Variants in GRIA2 observed in about 807,000 individuals in gnomAD.
The protein encoded by GRIA2 is glutamate receptor 2.
Under a neutral mutation model 97.3 loss-of-function variants are expected in GRIA2, and 14 were observed. The observed-to-expected ratio is 0.14, with a 90% CI of 0.10 to 0.23. The LOEUF (loss-of-function observed/expected upper bound fraction) is 0.23. Ranked by LOEUF, GRIA2 falls within the 10% of genes least tolerant of loss-of-function variation. The pLI is 1.00. For synonymous variants in GRIA2, 412 were observed against 387.8 expected (o/e 1.06, Z -0.73); for missense variants, 558 against 1,069.8 (o/e 0.52, Z 6.67).
rs1457416313 is a variant in GRIA2 at position 157,335,829 on chromosome 4, T to C, written c.1425T>C (p.Asp475=). The C allele has an allele frequency of 6.2e-7, 1 of 1,612,466 alleles. No homozygotes were observed. Among genetic ancestry groups the C allele is most frequent in the Non-Finnish European group, 8.5e-7 (1 of 1,179,102 alleles). ...GTGATGGCAAGTATGGGGCCAGGGA[T>C]GCAGACACGAAAATTTGGAATGGGA... ...IVGDGKYGAR[D]ADTKIWNGMV... is the part of the protein sequence containing the mutation. The change falls in exon 10 of 16, where the codon GAT becomes GAC. Residue 475 remains aspartate, a synonymous_variant. Coordinates refer to ENST00000264426, the MANE Select transcript of GRIA2 (RefSeq NM_001083619.3).
chr4:157,355,926 T>TATATAAATATAA (rs1370504682), intron 12 of GRIA2, among the ~76,000 whole-genome samples: 1 of 55,542 alleles, frequency 1.8e-5, no homozygotes, highest in South Asian at 6.3e-4. Context: ...AATATATTTA[T>TATATAAATATAA]ATATATTTAT....
At chr4:157,250,064 G>A (rs7663577) in intron 2 of GRIA2, among the ~76,000 whole-genome samples, 6 of 152,080 alleles carry the variant, frequency 3.9e-5, no homozygotes, top group Non-Finnish European at 7.4e-5. Context: ...GTGGTTATGC[G>A]TTAATGGGAC....
chr4:157,321,799 G>T (rs537304925), intron 6 of GRIA2, among the ~76,000 whole-genome samples, 200 bp downstream of exon 6: 2 of 152,094 alleles, frequency 1.3e-5, no homozygotes, highest in Non-Finnish European at 2.9e-5. Context: ...TATTACTCTT[G>T]TGTTTTCTAC....
chr4:157,240,411 G>A (rs1362434747), intron 2 of GRIA2, among the ~76,000 whole-genome samples: 1 of 151,934 alleles, frequency 6.6e-6, no homozygotes, highest in African/African-American at 2.4e-5. Context: ...GAAATATCTT[G>A]GAGTTTCTCA....
At chr4:157,223,307 A>G (rs1729591865) in intron 2 of GRIA2, among the ~76,000 whole-genome samples, 1 of 152,174 alleles carries the variant, frequency 6.6e-6, no homozygotes. Context: ...TTTATAATGG[A>G]TCTATTTAAG....
At chr4:157,275,534 T>A (rs1732257142) in intron 2 of GRIA2, among the ~76,000 whole-genome samples, 1 of 152,154 alleles carries the variant, frequency 6.6e-6, no homozygotes, top group Admixed American at 6.6e-5. Context: ...CCATCTTGAA[T>A]TAATTTTTGT....
chr4:157,319,459 A>T (rs1320940844), intron 5 of GRIA2, among the ~76,000 whole-genome samples: 1 of 152,210 alleles, frequency 6.6e-6, no homozygotes, highest in Non-Finnish European at 1.5e-5. Context: ...GCTTCTTGAG[A>T]GAAAATCTAC....
chr4:157,223,226 G>T (rs190326843), intron 2 of GRIA2, among the ~76,000 whole-genome samples: 1 of 152,086 alleles, frequency 6.6e-6, no homozygotes, highest in Admixed American at 6.5e-5. Flanking sequence ...ACTGTCACCC[G>T]GACGAATGAA....
chr4:157,239,488 A>G (rs914772165), intron 2 of GRIA2, among the ~76,000 whole-genome samples: 2 of 151,972 alleles, frequency 1.3e-5, no homozygotes, highest in Non-Finnish European at 2.9e-5. Context: ...GGTTAATTCT[A>G]TATTAATAAC....
At chr4:157,221,911 T>C in intron 2 of GRIA2, 104 bp downstream of exon 2, 2 of 1,063,740 alleles carry the variant, frequency 1.9e-6, no homozygotes, top group Non-Finnish European at 2.9e-6. Flanking sequence ...TTTCTGTGTG[T>C]CAGTGTGTGG....
At position 157,361,409 on chromosome 4, in the gene GRIA2, C is replaced by A; in HGVS notation, c.2406+285C>A. 1.3e-6 allele frequency: 1 copy of A among 751,794 alleles called. No individual in the cohort carries two copies. The highest frequency in any genetic ancestry group is 2.2e-6 in the Non-Finnish European group (1 of 452,350). The allele number at this position is 751,794 out of a possible 1,614,324, so 46.6% of individuals were successfully genotyped here. ...TTAATGCTCATTTGGCTCTGCAAAT[C>A]TTACCGTTTGCTTAGGCCAAATGGC... is the stretch of plus-strand genomic sequence containing the variant. On this transcript the variant is annotated intron_variant, in intron 14 of 15. Transcript: ENST00000264426. This position sits in a 1 kb window ranked among gnomAD's most constrained non-coding sequence, Gnocchi z 5.2.
intron 2 of GRIA2, among the ~76,000 whole-genome samples, chr4:157,296,535 AG>A (rs1733356908): frequency 6.6e-6 from 1 of 152,166 alleles, no homozygotes; most frequent in Non-Finnish European, 1.5e-5. Flanking sequence ...AATTTTTTCC[AG>A]TACATCTCTA....
chr4:157,221,366 T>A, intron 1 of GRIA2: 1 of 564,480 alleles, frequency 1.8e-6, no homozygotes, highest in East Asian at 2.9e-5. Context: ...TTTTATTAAT[T>A]CTGCCTTAGC....
At chr4:157,297,417 A>G (rs1248228741) in intron 2 of GRIA2, among the ~76,000 whole-genome samples, 1 of 152,132 alleles carries the variant, frequency 6.6e-6, no homozygotes, top group African/African-American at 2.4e-5. Context: ...TAATTAGAAC[A>G]TTAAGATGTA....
At chr4:157,250,150 G>T (rs1177790922) in intron 2 of GRIA2, among the ~76,000 whole-genome samples, 5 of 151,988 alleles carry the variant, frequency 3.3e-5, no homozygotes, top group Non-Finnish European at 1.5e-5. Context: ...ACAGCCCCCA[G>T]CTTTAAGTTG....
intron 4 of GRIA2, among the ~76,000 whole-genome samples, chr4:157,316,946 C>A (rs1380443232): frequency 6.6e-6 from 1 of 152,118 alleles, no homozygotes; most frequent in Admixed American, 6.5e-5. Context: ...TCAATAATGT[C>A]CAAAACCGTT....
At chr4:157,256,253 A>T (rs1731262864) in intron 2 of GRIA2, among the ~76,000 whole-genome samples, 2 of 86,360 alleles carry the variant, frequency 2.3e-5, no homozygotes, top group African/African-American at 5.0e-5. Flanking sequence ...TATAATATAT[A>T]AATTATATAT....
In GRIA2 at chr4:157,228,673, G is replaced by A. The variant is rs549619818; in HGVS notation, c.229+6866G>A. The stretch of plus-strand genomic sequence containing the variant: ...CCAGGCGTGGTGGCACCCATCTGTA[G>A]TCCCAGCTACTCAGGAGGCTGAGGC... On this transcript the variant is annotated intron_variant, in intron 2 of 15. Transcript: ENST00000264426. 3.3e-5 allele frequency among the ~76,000 whole-genome samples: 5 copies of A among 150,750 alleles called. No homozygotes were observed. The South Asian group carries it at 1.0e-3, about 31-fold the overall frequency.
intron 6 of GRIA2, 123 bp from the exon 7 acceptor site, chr4:157,332,696 G>A: frequency 1.6e-6 from 1 of 632,782 alleles, no homozygotes; most frequent in South Asian, 2.4e-5. Context: ...TGCAGAAATT[G>A]TGTTTAAATT....
Sources: gnomAD v4.1 joint callset for allele counts (sites outside exome capture counted in the v4.1 genomes callset) on GRCh38, gnomAD v4.1.1 for gene constraint, Gnocchi (gnomAD v3.1) non-coding constraint, MANE v1.5 for transcripts, NCBI Gene and HGNC (gene_info 2026-07-23, HGNC 2026-07-21) for gene names.